Variants in AGO3 observed in about 807,000 individuals in gnomAD.
The protein encoded by AGO3 is argonaute RISC catalytic component 3, also known as protein argonaute-3.
A neutral mutation model predicts 105.5 loss-of-function variants in AGO3; 16 were observed. That is an observed-to-expected ratio of 0.15 (90% confidence interval 0.10 to 0.23). The LOEUF (loss-of-function observed/expected upper bound fraction) is 0.23. Ranked by LOEUF, AGO3 falls within the 10% of genes least tolerant of loss-of-function variation. The pLI is 1.00. For synonymous variants in AGO3, 340 were observed against 367.3 expected, an observed-to-expected ratio of 0.93 and a Z score of 0.85; for missense variants, 534 against 1,088.0, an observed-to-expected ratio of 0.49 and a Z score of 7.16.
At chr1:36,013,475 T>G in intron 9 of AGO3, 155 bp from the exon 10 acceptor site, 1 of 962,174 alleles carries the variant, frequency 1.0e-6, no homozygotes, top group Non-Finnish European at 1.5e-6. Flanking sequence ...GGTCCCCAGG[T>G]TAAGATTCGC....
At chr1:36,045,352 G>A (rs1292555679) in intron 17 of AGO3, among the ~76,000 whole-genome samples, 1 of 151,852 alleles carries the variant, frequency 6.6e-6, no homozygotes, top group Admixed American at 6.6e-5. Flanking sequence ...CTCCCAAGTA[G>A]CTGGGACTAC....
intron 1 of AGO3, among the ~76,000 whole-genome samples, chr1:35,944,568 G>A (rs576519144): frequency 4.2e-5 from 4 of 96,088 alleles, no homozygotes; most frequent in Admixed American, 2.3e-4. Context: ...TTTTTTTTTG[G>A]TAAGACAGAG....
rs1006770010 is a variant in AGO3 at position 36,068,261 on chromosome 1, A to T, written c.*12516A>T. The T allele has an allele frequency of 2.6e-5, 4 of 152,238 alleles. No individual in the cohort carries two copies. The highest frequency in any genetic ancestry group is 4.8e-5 in the African/African-American group (2 of 41,450). The allele number at this position is 152,238 out of a possible 1,614,324, so 9.4% of individuals were successfully genotyped here. ...AGTGAGAATTAAGATTGAAAGTATT[A>T]ATGTTGCAAGTATTATCTCTAGCCA... On this transcript the variant is annotated 3_prime_UTR_variant, in exon 19 of 19. Coordinates refer to ENST00000373191, the MANE Select transcript of AGO3 (RefSeq NM_024852.4).
At chr1:36,037,810 A>G (rs1330448631) in intron 14 of AGO3, among the ~76,000 whole-genome samples, 1 of 152,198 alleles carries the variant, frequency 6.6e-6, no homozygotes, top group Non-Finnish European at 1.5e-5. Context: ...AGATGATAAA[A>G]TGATAAAGAA....
At chr1:36,046,737 A>C (rs1203160548) in intron 17 of AGO3, among the ~76,000 whole-genome samples, 1 of 150,760 alleles carries the variant, frequency 6.6e-6, no homozygotes, top group African/African-American at 2.4e-5. Context: ...CATCCAGAGC[A>C]GTCACACACT....
In AGO3 at chr1:36,008,806, G is replaced by A. The variant is rs953648161; in HGVS notation, c.881+29G>A. The A allele has an allele frequency of 2.5e-6, 4 of 1,613,920 alleles. No homozygotes were observed. The highest frequency in any genetic ancestry group is 1.1e-5 in the South Asian group (1 of 91,060). ...AGAAAAGTTTGTCAGAGCAGCGATG[G>A]TGTGAGGCAGCTTGCTCTAGTTAGT... On this transcript the variant is annotated intron_variant, in intron 7 of 18. Coordinates refer to ENST00000373191, the MANE Select transcript of AGO3 (RefSeq NM_024852.4). This position sits in a 1 kb window ranked among gnomAD's most constrained non-coding sequence, Gnocchi z 5.1.
intron 17 of AGO3, among the ~76,000 whole-genome samples, chr1:36,048,793 G>A (rs1382880824): frequency 2.0e-5 from 3 of 152,114 alleles, no homozygotes; most frequent in African/African-American, 4.8e-5. Flanking sequence ...GGGCTCAGGC[G>A]ATCCTCTTGC....
chr1:36,003,707 A>ATATAT (rs1194799778), intron 5 of AGO3, among the ~76,000 whole-genome samples: 3 of 120,270 alleles, frequency 2.5e-5, no homozygotes, highest in African/African-American at 6.2e-5. Flanking sequence ...AAAAAAAAAA[A>ATATAT]AAATATATAT....
intron 2 of AGO3, among the ~76,000 whole-genome samples, chr1:35,957,036 A>T (rs1436148881): frequency 6.6e-6 from 1 of 152,116 alleles, no homozygotes; most frequent in East Asian, 1.9e-4. Flanking sequence ...AAAATGCGCC[A>T]TTACACATGG....
rs530026839 is a variant in AGO3 at position 36,027,549 on chromosome 1, G to A, written c.1591+251G>A. Reference sequence around the variant, plus strand: ...TCCCAGCACTTTGGGAGGCCGAGGCGGGTGGATCACCTGAGGTCAGGAGTT... The same window carrying A: ...TCCCAGCACTTTGGGAGGCCGAGGCAGGTGGATCACCTGAGGTCAGGAGTT... On this transcript the variant is annotated intron_variant, in intron 12 of 18. Coordinates refer to ENST00000373191, the MANE Select transcript of AGO3 (RefSeq NM_024852.4). This position sits in a 1 kb window ranked among gnomAD's most constrained non-coding sequence, Gnocchi z 4.0. Among the ~76,000 whole-genome samples, 512 of 152,018 alleles carry A rather than the reference G, an allele frequency of 3.4e-3. 10 individuals carry two copies. Among genetic ancestry groups the A allele is most frequent in the East Asian group, 9.7e-4 (5 of 5,162 alleles).
Position 36,054,992 on chromosome 1 carries a change from G to A in AGO3, c.2321G>A (p.Cys774Tyr), listed in dbSNP as rs1374660526. The change falls in exon 18 of 19, where the codon TGC becomes TAC. Residue 774 changes from cysteine (C) to tyrosine (Y), a missense_variant. By Grantham distance (194) the Cys-to-Tyr change is radical. This residue lies in a region of AGO3 where 373 missense variants were observed against 854.0 expected (regional missense o/e 0.44). Coordinates refer to ENST00000373191, the MANE Select transcript of AGO3 (RefSeq NM_024852.4). ...TATCATGTTTTATGGGATGATAACT[G>A]CTTTACTGCAGATGAACTTCAGCTG... ...SHYHVLWDDN[C>Y]FTADELQLLT... 9.9e-6 allele frequency: 16 copies of A among 1,614,062 alleles called. No individual in the cohort carries two copies. The highest frequency in any genetic ancestry group is 1.4e-5 in the Non-Finnish European group (16 of 1,180,050).
rs1394253107 is a variant in AGO3, at chr1:36,070,190, C to T, written c.*14445C>T. ...AGATGGTTATTCCCTGTTTCTTGGCCGATTTTTGGTACCTTTCTTTGAAGA... is the reference window on the plus strand; with the variant it reads ...AGATGGTTATTCCCTGTTTCTTGGCTGATTTTTGGTACCTTTCTTTGAAGA... On this transcript the variant is annotated 3_prime_UTR_variant, in exon 19 of 19. Coordinates refer to ENST00000373191, the MANE Select transcript of AGO3 (RefSeq NM_024852.4). The T allele has an allele frequency of 6.6e-6, 1 of 152,098 alleles. No homozygotes were observed. Among genetic ancestry groups the T allele is most frequent in the Non-Finnish European group, 1.5e-5 (1 of 68,028 alleles). The allele number at this position is 152,098 out of a possible 1,614,324, so 9.4% of individuals were successfully genotyped here.
intron 2 of AGO3, among the ~76,000 whole-genome samples, chr1:35,954,318 TTTGAAAC>T (rs1646526151): frequency 1.3e-5 from 2 of 151,840 alleles, no homozygotes; most frequent in South Asian, 2.1e-4. Context: ...CTATAATATA[TTTGAAAC>T]TTGAAGATAC....
At position 36,061,345 on chromosome 1, in the gene AGO3, T is replaced by C. The variant is rs1202993836; in HGVS notation, c.*5600T>C. 6.6e-6 allele frequency: 1 copy of C among 152,204 alleles called. No individual in the cohort carries two copies. The highest frequency in any genetic ancestry group is 1.5e-5 in the Non-Finnish European group (1 of 68,028). The allele number at this position is 152,204 out of a possible 1,614,324, so 9.4% of individuals were successfully genotyped here. A position where few individuals can be genotyped will look rare whatever the true frequency, so the allele number is the denominator to read the frequency against. The stretch of plus-strand genomic sequence containing the variant: ...AATTTTTTAAACTAAGGTATAATGG[T>C]CAAGGCTTGTGCTAATATTACCTAC... On this transcript the variant is annotated 3_prime_UTR_variant, in exon 19 of 19. Coordinates refer to ENST00000373191, the MANE Select transcript of AGO3 (RefSeq NM_024852.4).
chr1:35,964,104 A>C (rs1646730204), intron 2 of AGO3, among the ~76,000 whole-genome samples: 1 of 152,144 alleles, frequency 6.6e-6, no homozygotes, highest in Admixed American at 6.5e-5. Context: ...GTATGTATAT[A>C]TCCTGCTTTG....
intron 1 of AGO3, among the ~76,000 whole-genome samples, chr1:35,938,390 A>G (rs997716195): frequency 6.6e-6 from 1 of 152,214 alleles, no homozygotes; most frequent in African/African-American, 2.4e-5. Context: ...GTATGATCCT[A>G]TCCTCCAGAT....
rs377380089 is a variant in AGO3, at chr1:36,009,083, A to C, written c.1029+39A>C. ...ACTGCTAATTAATACCCTGTTGTTC[A>C]TGATTCTTTTGGGGTCTTTTATGGC... On this transcript the variant is annotated intron_variant, in intron 8 of 18. Coordinates refer to ENST00000373191, the MANE Select transcript of AGO3 (RefSeq NM_024852.4). The C allele has an allele frequency of 6.7e-6, 10 of 1,485,812 alleles. No individual in the cohort carries two copies. In the South Asian group the frequency reaches 1.4e-4, roughly 21 times the overall value. 92.0% of individuals were successfully genotyped at this position (1,485,812 alleles called of 1,614,324 possible). A position where few individuals can be genotyped will look rare whatever the true frequency, so the allele number is the denominator to read the frequency against.
intron 12 of AGO3, among the ~76,000 whole-genome samples, chr1:36,029,983 G>A: frequency 6.6e-6 from 1 of 152,004 alleles, no homozygotes; most frequent in East Asian, 1.9e-4. Context: ...ATGAGCCACT[G>A]CGCCTGGCCC....
chr1:35,972,738 G>A (rs944965406), intron 4 of AGO3, among the ~76,000 whole-genome samples: 1 of 151,710 alleles, frequency 6.6e-6, no homozygotes, highest in African/African-American at 2.4e-5. Flanking sequence ...TAGTGCAGTG[G>A]CACAATCATG....
Sources: allele counts gnomAD v4.1 joint callset (sites outside exome capture counted in the v4.1 genomes callset), GRCh38; gene constraint gnomAD v4.1.1; regional missense constraint gnomAD v4.1.1; non-coding constraint Gnocchi (gnomAD v3.1); transcripts MANE v1.5; gene names NCBI Gene and HGNC (gene_info 2026-07-23, HGNC 2026-07-21).